COL5A2: variants seen among roughly 807,000 people sequenced by gnomAD.
The protein encoded by COL5A2 is collagen alpha-2(V) chain.
Under a neutral mutation model 208.2 loss-of-function variants are expected in COL5A2, and 23 were observed. The ratio of observed to expected loss-of-function variants is 0.11; its 90% CI spans 0.08 to 0.16. The LOEUF (loss-of-function observed/expected upper bound fraction) is 0.16, where lower values mean the gene tolerates loss of function less well. Ranked by LOEUF, COL5A2 falls within the 10% of genes least tolerant of loss-of-function variation. The pLI is 1.00. For missense variants in COL5A2, 1,590 were observed against 1,956.4 expected (o/e 0.81, Z 3.53); for synonymous variants, 625 against 628.5 (o/e 0.99, Z 0.08).
At chr2:189,341,182 C>A in the COL5A2 span, among the ~76,000 whole-genome samples, 3 of 152,106 alleles carry the variant, frequency 2.0e-5, no homozygotes, top group African/African-American at 7.2e-5. Context: ...ACTAATACTG[C>A]AGAAAGTCCC....
chr2:189,060,149 G>C (rs1685996450), intron 31 of COL5A2, among the ~76,000 whole-genome samples: 1 of 151,908 alleles, frequency 6.6e-6, no homozygotes, highest in Admixed American at 6.6e-5. Context: ...AAACCCCCAA[G>C]TCTTATTTAG....
At chr2:189,436,749 A>G in the COL5A2 span, among the ~76,000 whole-genome samples, 1 of 151,592 alleles carries the variant, frequency 6.6e-6, no homozygotes, top group Non-Finnish European at 1.5e-5. Context: ...CTAACACTGA[A>G]ACAAAAAAAA....
chr2:189,195,532 C>A (rs551382440), intron 1 of COL5A2, among the ~76,000 whole-genome samples: 2 of 152,086 alleles, frequency 1.3e-5, no homozygotes, highest in South Asian at 4.1e-4. Flanking sequence ...AAAGAACAAA[C>A]CTGGAGGCAT....
the COL5A2 span, among the ~76,000 whole-genome samples, chr2:189,244,418 G>A: frequency 9.9e-5 from 15 of 152,224 alleles, no homozygotes; most frequent in South Asian, 4.1e-4. Flanking sequence ...TCTCTAAGGC[G>A]GAGGCAAAAT....
intron 1 of COL5A2, among the ~76,000 whole-genome samples, chr2:189,131,426 C>T (rs1576546234): frequency 2.0e-5 from 3 of 151,970 alleles, no homozygotes; most frequent in South Asian, 2.1e-4. Flanking sequence ...ATATGAAATT[C>T]GCTGAGAAAA....
At chr2:189,288,635 G>A in the COL5A2 span, among the ~76,000 whole-genome samples, 1 of 151,990 alleles carries the variant, frequency 6.6e-6, no homozygotes, top group Non-Finnish European at 1.5e-5. Context: ...TTTACCAAAC[G>A]TTTAAGAACA....
intron 1 of COL5A2, among the ~76,000 whole-genome samples, chr2:189,131,086 C>T (rs1374995378): frequency 6.6e-6 from 1 of 151,866 alleles, no homozygotes; most frequent in Non-Finnish European, 1.5e-5. Flanking sequence ...GAGAGGAGAG[C>T]GGGGACTGAG....
the COL5A2 span, among the ~76,000 whole-genome samples, chr2:189,349,110 C>A: frequency 1.3e-5 from 2 of 152,016 alleles, no homozygotes; most frequent in African/African-American, 4.8e-5. Context: ...ATCCCCTAGC[C>A]CTCTCAAAAC....
At chr2:189,333,388 G>A in the COL5A2 span, among the ~76,000 whole-genome samples, 1 of 152,122 alleles carries the variant, frequency 6.6e-6, no homozygotes, top group African/African-American at 2.4e-5. Context: ...TCACCTCAAA[G>A]CTTGTAGATA....
the COL5A2 span, among the ~76,000 whole-genome samples, chr2:189,268,839 A>G: frequency 6.6e-6 from 1 of 152,180 alleles, no homozygotes; most frequent in African/African-American, 2.4e-5. Flanking sequence ...TTGGTCAAGA[A>G]GACAATTTTA....
At chr2:189,293,931 A>C in the COL5A2 span, among the ~76,000 whole-genome samples, 3 of 152,022 alleles carry the variant, frequency 2.0e-5, no homozygotes. Context: ...TAAACAAAAT[A>C]CAAAAAATTA....
the COL5A2 span, among the ~76,000 whole-genome samples, chr2:189,363,168 T>C: frequency 6.6e-6 from 1 of 152,262 alleles, no homozygotes; most frequent in African/African-American, 2.4e-5. Flanking sequence ...AAAAAATTTC[T>C]TTCTGCATTG....
Position 189,100,291 on chromosome 2 carries a change from G to C in COL5A2, c.337-152C>G, listed in dbSNP as rs55905390. 0.14 allele frequency: 90,348 copies of C among 656,978 alleles called. 6,661 individuals are homozygous for C. The highest frequency in any genetic ancestry group is 0.22 in the Middle Eastern group (609 of 2,724). The allele number at this position is 656,978 out of a possible 1,614,324, so 40.7% of individuals were successfully genotyped here. A position where few individuals can be genotyped will look rare whatever the true frequency, so the allele number is the denominator to read the frequency against. ...ACAAAAAGAAAGTTAACAATTTTTA[G>C]GATATTTAGTCAGATATTACTCATT... is the stretch of plus-strand genomic sequence containing the variant. On this transcript the variant is annotated intron_variant, in intron 3 of 53. Transcript: ENST00000374866.
chr2:189,078,389 GA>G, intron 16 of COL5A2, 126 bp downstream of exon 16: 2 of 648,028 alleles, frequency 3.1e-6, no homozygotes, highest in Non-Finnish European at 5.0e-6. Flanking sequence ...TATTCCAAAA[GA>G]AAAAGAAAAA....
At position 189,036,767 on chromosome 2, in the gene COL5A2, T is replaced by C. The variant is rs1156455700; in HGVS notation, c.3962A>G (p.Glu1321Gly). The change falls in exon 52 of 54, where the codon GAA becomes GGA. Residue 1321 changes from glutamate (E) to glycine (G), a missense_variant. By Grantham distance (98) the Glu-to-Gly change is moderately conservative. Transcript: ENST00000374866. ...GTTGCAGTAAACTTTGATTGCATCTTCAACAGATCCTTGGTTAGGATCAAT... is the reference window on the plus strand; with the variant it reads ...GTTGCAGTAAACTTTGATTGCATCTCCAACAGATCCTTGGTTAGGATCAAT... ...YWIDPNQGSV[E>G]DAIKVYCNME... is the part of the protein sequence containing the mutation. The C allele has an allele frequency of 6.2e-7, 1 of 1,613,574 alleles. No individual in the cohort carries two copies. The highest frequency in any genetic ancestry group is 8.5e-7 in the Non-Finnish European group (1 of 1,179,628).
At chr2:189,231,704 A>T in the COL5A2 span, among the ~76,000 whole-genome samples, 1 of 151,834 alleles carries the variant, frequency 6.6e-6, no homozygotes, top group African/African-American at 2.4e-5. Context: ...ATATTTAATG[A>T]ATGTGTAGAA....
At chr2:189,178,146 C>T (rs1688711430) in intron 1 of COL5A2, among the ~76,000 whole-genome samples, 2 of 152,112 alleles carry the variant, frequency 1.3e-5, no homozygotes, top group African/African-American at 4.8e-5. Flanking sequence ...AAAGTTTTCA[C>T]CTTTTATAAA....
chr2:189,367,962 C>T, the COL5A2 span, among the ~76,000 whole-genome samples: 1 of 152,110 alleles, frequency 6.6e-6, no homozygotes, highest in East Asian at 1.9e-4. Flanking sequence ...TGGATTTTAG[C>T]TTTTAAGTCA....
chr2:189,391,822 A>T, the COL5A2 span, among the ~76,000 whole-genome samples: 6 of 152,116 alleles, frequency 3.9e-5, no homozygotes, highest in African/African-American at 1.2e-4. Context: ...AAATTATTTG[A>T]TTTTTTGTGG....
Sources: gnomAD v4.1 joint callset for allele counts (sites outside exome capture counted in the v4.1 genomes callset) on GRCh38, gnomAD v4.1.1 for gene constraint, MANE v1.5 for transcripts, NCBI Gene and HGNC (gene_info 2026-07-23, HGNC 2026-07-21) for gene names.